The following ZNF195 variants were observed in gnomAD, a reference collection of about 807,000 sequenced individuals.
ZNF195 encodes hypoxia-regulated factor-1.
ZNF195 carries 11 observed loss-of-function variants against 19.5 expected under a neutral mutation model. That is an observed-to-expected ratio of 0.57 (90% CI 0.36 to 0.94). The LOEUF is 0.94. ZNF195 is among the 40% of genes least tolerant of loss of function. The pLI, the probability that ZNF195 is intolerant of heterozygous loss-of-function variation, is 0.01. For missense variants in ZNF195, 582 were observed against 709.0 expected (o/e 0.82, Z 2.03); for synonymous variants, 214 against 248.1 (o/e 0.86, Z 1.29).
Position 3,371,557 on chromosome 11 carries a change from C to T in ZNF195, c.130+20G>A, listed in dbSNP as rs556177488. Reference sequence around the variant, plus strand: ...ACTCTTTAGGGCATAGGAGGAACTACGTATTGAAGTTATCCTCACCAACGG... The same window carrying T: ...ACTCTTTAGGGCATAGGAGGAACTATGTATTGAAGTTATCCTCACCAACGG... On this transcript the variant is annotated intron_variant, in intron 2 of 5. Coordinates refer to ENST00000399602, the MANE Select transcript of ZNF195 (RefSeq NM_001130520.3). 2.4e-5 allele frequency: 38 copies of T among 1,613,890 alleles called. No individual in the cohort carries two copies. Among genetic ancestry groups the T allele is most frequent in the Middle Eastern group, 3.3e-4 (2 of 6,062 alleles).
intron 3 of ZNF195, among the ~76,000 whole-genome samples, chr11:3,365,009 T>G (rs1848799967): frequency 6.6e-6 from 1 of 152,186 alleles, no homozygotes; most frequent in African/African-American, 2.4e-5. Flanking sequence ...TATCCTTATA[T>G]TAGACACAAT....
In ZNF195 at chr11:3,358,096, G is replaced by C. The variant is rs1175921658; in HGVS notation, c.*1022C>G. The C allele has an allele frequency of 2.0e-5, 3 of 152,212 alleles. No homozygotes were observed. Among genetic ancestry groups the C allele is most frequent in the African/African-American group, 7.2e-5 (3 of 41,398 alleles). The allele number at this position is 152,212 out of a possible 1,614,324, so 9.4% of individuals were successfully genotyped here. A position where few individuals can be genotyped will look rare whatever the true frequency, so the allele number is the denominator to read the frequency against. On this transcript the variant is annotated 3_prime_UTR_variant, in exon 6 of 6. Transcript: ENST00000399602. ...TTGGGGTGGGGGAGCTTAGTCGAGGGTGCAGGTGTCTTGTCTGCATCCTGG... is the reference window on the plus strand; with the variant it reads ...TTGGGGTGGGGGAGCTTAGTCGAGGCTGCAGGTGTCTTGTCTGCATCCTGG...
At chr11:3,366,120 C>T (rs1848868607) in intron 3 of ZNF195, among the ~76,000 whole-genome samples, 1 of 151,094 alleles carries the variant, frequency 6.6e-6, no homozygotes, top group African/African-American at 2.4e-5. Context: ...AAAAATGAGC[C>T]GGGCGTGGTG....
rs1236928520 is a variant in ZNF195 at position 3,358,885 on chromosome 11, T to A, written c.*233A>T. On this transcript the variant is annotated 3_prime_UTR_variant, in exon 6 of 6. Transcript: ENST00000399602. ...ACATTTATGAGATTTGTTGGGTTTC[T>A]CTACAAATTTTCTGAAAGTTTAAGC... The A allele has an allele frequency of 2.3e-6, 1 of 444,292 alleles. No individual in the cohort carries two copies. The highest frequency in any genetic ancestry group is 3.7e-5 in the East Asian group (1 of 26,818). 27.5% of individuals were successfully genotyped at this position (444,292 alleles called of 1,614,324 possible). A position where few individuals can be genotyped will look rare whatever the true frequency, so the allele number is the denominator to read the frequency against.
chr11:3,373,511 A>G, intron 1 of ZNF195: 1 of 1,347,556 alleles, frequency 7.4e-7, no homozygotes, highest in Non-Finnish European at 1.0e-6. Flanking sequence ...AAAGGTTTCC[A>G]AATTCTAAAC....
intron 3 of ZNF195, among the ~76,000 whole-genome samples, chr11:3,362,365 A>G (rs529050095): frequency 6.6e-6 from 1 of 152,328 alleles, no homozygotes; most frequent in African/African-American, 2.4e-5. Context: ...ATGGTGCAGA[A>G]ATCACTTTTA....
chr11:3,363,751 GTC>G (rs1404361334), intron 3 of ZNF195, among the ~76,000 whole-genome samples: 4 of 152,214 alleles, frequency 2.6e-5, no homozygotes, highest in Admixed American at 6.5e-5. Context: ...GTATCACACT[GTC>G]TGATTTCAAA....
chr11:3,378,481 A>G (rs1349689783), intron 1 of ZNF195, among the ~76,000 whole-genome samples: 1 of 152,200 alleles, frequency 6.6e-6, no homozygotes, highest in Non-Finnish European at 1.5e-5. Flanking sequence ...TTCTGATTAC[A>G]GGACCAGAAA....
intron 2 of ZNF195, 156 bp from the exon 3 acceptor site, chr11:3,371,226 T>G: frequency 1.3e-6 from 1 of 749,704 alleles, no homozygotes; most frequent in Non-Finnish European, 2.1e-6. Flanking sequence ...CAGTAAGTAT[T>G]TTAAATCTGT....
chr11:3,376,052 G>A (rs1392132524), intron 1 of ZNF195, among the ~76,000 whole-genome samples: 2 of 151,886 alleles, frequency 1.3e-5, no homozygotes, highest in East Asian at 3.9e-4. Context: ...TTTATTTGAC[G>A]AAGTCTAGAA....
rs766587652 is a variant in ZNF195 at position 3,360,158 on chromosome 11, A to C, written c.850T>G (p.Cys284Gly). 1.2e-5 allele frequency: 19 copies of C among 1,613,864 alleles called. No homozygotes were observed. In the Admixed American group the frequency reaches 3.2e-4, roughly 27 times the overall value. The stretch of plus-strand genomic sequence containing the variant: ...TTCTCAGGTTCAGTAAAGTGTGAGC[A>C]CTGGATAAAGGTTTTGCCACATTCT... ...CGECGKTFIQ[C>G]SHFTEPENID... Residue 284 changes from cysteine to glycine, a missense_variant, in exon 6 of 6, where the codon TGC (cysteine) becomes GGC (glycine). By Grantham distance (159) the Cys-to-Gly change is radical. Around this residue, in one of 3 missense-constraint regions of ZNF195, gnomAD observed 407 missense variants for 530.5 expected, o/e 0.77. Transcript: ENST00000399602.
At chr11:3,361,705 G>C in intron 4 of ZNF195, 38 bp downstream of exon 4, 1 of 1,296,738 alleles carries the variant, frequency 7.7e-7, no homozygotes. Flanking sequence ...CCTGAAAGCA[G>C]CAAGTGAAAA....
chr11:3,372,582 CTCCCAGGTTCTGACAAATATT>C (rs1849263836), intron 1 of ZNF195, among the ~76,000 whole-genome samples: 1 of 126,742 alleles, frequency 7.9e-6, no homozygotes. Flanking sequence ...TGACAAATAT[CTCCCAGGTTCTGACAAATATT>C]TCCCAGGTCC....
intron 3 of ZNF195, among the ~76,000 whole-genome samples, chr11:3,369,905 G>A (rs1296270155): frequency 6.6e-6 from 1 of 152,244 alleles, no homozygotes; most frequent in African/African-American, 2.4e-5. Flanking sequence ...ATTACGTGAA[G>A]TGATAGATTT....
chr11:3,360,587 A>T (rs1287319633), intron 5 of ZNF195, 22 bp from the exon 6 acceptor site: 2 of 1,550,496 alleles, frequency 1.3e-6, no homozygotes, highest in Non-Finnish European at 1.7e-6. Context: ...AAAAAAAGTT[A>T]TCCGACTTAC....
chr11:3,375,793 G>A (rs1849432515), intron 1 of ZNF195: 1 of 152,166 alleles, frequency 6.6e-6, no homozygotes, highest in African/African-American at 2.4e-5. Context: ...CTGAGGGGAG[G>A]AACAAACCCT....
intron 1 of ZNF195, among the ~76,000 whole-genome samples, chr11:3,373,356 T>C (rs1422067244): frequency 6.6e-6 from 1 of 152,150 alleles, no homozygotes; most frequent in Admixed American, 6.5e-5. Flanking sequence ...GAATTCTTCA[T>C]GGCATATAAG....
At position 3,358,970 on chromosome 11, in the gene ZNF195, T is replaced by A. The variant is rs1404876310; in HGVS notation, c.*148A>T. ...ACATTTTTTTCAGAAGAAATACTCT[T>A]GTGTGCTCTGGAGACTTATATTTCA... On this transcript the variant is annotated 3_prime_UTR_variant, in exon 6 of 6. Transcript: ENST00000399602. 2.0e-5 allele frequency: 21 copies of A among 1,047,478 alleles called. No individual in the cohort carries two copies. The highest frequency in any genetic ancestry group is 3.8e-6 in the Non-Finnish European group (3 of 798,912). 64.9% of individuals were successfully genotyped at this position (1,047,478 alleles called of 1,614,324 possible). A position where few individuals can be genotyped will look rare whatever the true frequency, so the allele number is the denominator to read the frequency against.
Position 3,359,914 on chromosome 11 carries a change from G to T in ZNF195, c.1094C>A (p.Ser365Tyr). Reference protein sequence around the residue: ...KYEECSSVFISCSSLSNQQMI... With the variant: ...KYEECSSVFIYCSSLSNQQMI... ...CTGTTGATTAGAAAGGCTTGAGCAA[G>T]AGATAAAGACACTGCTGCACTCTTC... The change falls in exon 6 of 6, where the codon TCT becomes TAT. Residue 365 changes from serine (S) to tyrosine (Y), a missense_variant. Ser to Tyr is a moderately radical substitution (Grantham distance 144, BLOSUM62 -2). Around this residue, in one of 3 missense-constraint regions of ZNF195, gnomAD observed 407 missense variants for 530.5 expected, o/e 0.77. Coordinates refer to ENST00000399602, the MANE Select transcript of ZNF195 (RefSeq NM_001130520.3). The surrounding 1 kb of genome is among the most constrained non-coding windows in gnomAD (Gnocchi z 5.5). The T allele has an allele frequency of 6.2e-7, 1 of 1,614,198 alleles. No homozygotes were observed. Among genetic ancestry groups the T allele is most frequent in the Non-Finnish European group, 8.5e-7 (1 of 1,180,042 alleles).
Sources: gnomAD v4.1 joint callset for allele counts (sites outside exome capture counted in the v4.1 genomes callset) on GRCh38, gnomAD v4.1.1 for gene constraint, gnomAD v4.1.1 regional missense constraint, Gnocchi (gnomAD v3.1) non-coding constraint, MANE v1.5 for transcripts, NCBI Gene and HGNC (gene_info 2026-07-23, HGNC 2026-07-21) for gene names.